Variants in SEPTIN10 observed in about 807,000 individuals in gnomAD.
SEPTIN10 encodes the protein septin-10.
In SEPTIN10, 66 loss-of-function variants were observed where a neutral mutation model predicts 54.8. The ratio of observed to expected loss-of-function variants is 1.21; its 90% confidence interval spans 0.99 to 1.48. The LOEUF (loss-of-function observed/expected upper bound fraction) is 1.48, where lower values mean the gene tolerates loss of function less well. SEPTIN10 is among the 40% of genes most tolerant of loss of function. SEPTIN10 has a pLI of 0.00. For synonymous variants in SEPTIN10, 161 were observed against 181.0 expected (o/e 0.89, Z 0.89); for missense variants, 620 against 545.6 (o/e 1.14, Z -1.36).
At chr2:109,554,512 T>C (rs1413584275) in intron 8 of SEPTIN10, among the ~76,000 whole-genome samples, 2 of 152,064 alleles carry the variant, frequency 1.3e-5, no homozygotes, top group Non-Finnish European at 1.5e-5. Flanking sequence ...CAGGGCACAC[T>C]CACACCACCC....
At chr2:109,592,058 C>A (rs944649611) in intron 2 of SEPTIN10, among the ~76,000 whole-genome samples, 5 of 152,116 alleles carry the variant, frequency 3.3e-5, no homozygotes, top group Admixed American at 6.5e-5. Context: ...CCCTTAGAAG[C>A]ATAAGGTGTA....
intron 4 of SEPTIN10, among the ~76,000 whole-genome samples, chr2:109,584,443 C>A (rs570476360): frequency 2.1e-4 from 29 of 134,956 alleles, no homozygotes; most frequent in African/African-American, 7.9e-4. Flanking sequence ...CCACTGCACT[C>A]CAGACTGGGT....
At chr2:109,612,300 A>G (rs1012356465) in intron 1 of SEPTIN10, among the ~76,000 whole-genome samples, 4 of 152,332 alleles carry the variant, frequency 2.6e-5, no homozygotes, top group Non-Finnish European at 5.9e-5. Flanking sequence ...TGGGGTTAAG[A>G]AGGAGGCAGG....
chr2:109,598,052 T>C (rs572900720), intron 1 of SEPTIN10, among the ~76,000 whole-genome samples: 2 of 152,242 alleles, frequency 1.3e-5, no homozygotes, highest in Non-Finnish European at 2.9e-5. Context: ...CTTAGCTTTA[T>C]GTTTTTTTGT....
intron 1 of SEPTIN10, among the ~76,000 whole-genome samples, chr2:109,603,212 T>A (rs1050053249): frequency 2.6e-5 from 4 of 152,048 alleles, no homozygotes; most frequent in Admixed American, 2.6e-4. Flanking sequence ...CAAATGTACA[T>A]AATGTTATTA....
chr2:109,545,082 G>A (rs1680836071), intron 10 of SEPTIN10: 1 of 985,422 alleles, frequency 1.0e-6, no homozygotes, highest in East Asian at 1.1e-4. Context: ...GCAATATTCT[G>A]AAAATGGGTC....
chr2:109,572,993 A>AT (rs1326912137), intron 5 of SEPTIN10, among the ~76,000 whole-genome samples: 1 of 152,238 alleles, frequency 6.6e-6, no homozygotes, highest in Non-Finnish European at 1.5e-5. Context: ...AATAAAGAAT[A>AT]TATTTAAATC....
At chr2:109,592,164 T>G (rs1387499602) in intron 2 of SEPTIN10, among the ~76,000 whole-genome samples, 1 of 151,928 alleles carries the variant, frequency 6.6e-6, no homozygotes, top group East Asian at 1.9e-4. Context: ...TTCTGCAGTG[T>G]GCTCAAAAAA....
At chr2:109,574,448 A>AT (rs1395296090) in intron 5 of SEPTIN10, 133 bp downstream of exon 5, 2 of 536,382 alleles carry the variant, frequency 3.7e-6, no homozygotes, top group African/African-American at 4.0e-5. Context: ...ATCTCTAAAA[A>AT]AAAAAAAAAA....
intron 10 of SEPTIN10, 68 bp from the exon 11 acceptor site, chr2:109,544,392 G>GC (rs1344538291): frequency 1.3e-6 from 2 of 1,536,706 alleles, no homozygotes; most frequent in African/African-American, 2.8e-5. Context: ...TAGCAAACAT[G>GC]CATCTAGTAT....
intron 5 of SEPTIN10, among the ~76,000 whole-genome samples, chr2:109,568,898 T>C (rs948738091): frequency 4.6e-5 from 7 of 152,180 alleles, no homozygotes; most frequent in Non-Finnish European, 1.0e-4. Context: ...AAGGAATAAC[T>C]TTCTCAGTAT....
Position 109,593,059 on chromosome 2 carries a change from C to T in SEPTIN10, c.91G>A (p.Glu31Lys), listed in dbSNP as rs373916982. 3 of 1,593,180 alleles carry T rather than the reference C, an allele frequency of 1.9e-6. No homozygotes were observed. Among genetic ancestry groups the T allele is most frequent in the Non-Finnish European group, 2.6e-6 (3 of 1,170,990 alleles). Residue 31 changes from glutamate to lysine, a missense_variant, in exon 2 of 11, where the codon GAA becomes AAA. By Grantham distance (56) the Glu-to-Lys change is moderately conservative. Coordinates refer to ENST00000397712, the MANE Select transcript of SEPTIN10 (RefSeq NM_144710.5). ...TTAAAAGACATACTCACTATCTGTTCATCATCTGATCCTTGTGAAGACATA... is the reference window on the plus strand; with the variant it reads ...TTAAAAGACATACTCACTATCTGTTTATCATCTGATCCTTGTGAAGACATA... ...TCMSSQGSDD[E>K]QIKRENIRSL...
At chr2:109,563,502 T>C (rs1686182598) in intron 8 of SEPTIN10, among the ~76,000 whole-genome samples, 1 of 152,234 alleles carries the variant, frequency 6.6e-6, no homozygotes, top group African/African-American at 2.4e-5. Flanking sequence ...CACGCTTTCC[T>C]GCATGCAAAC....
At chr2:109,572,609 CTTTTTTT>C (rs60520770) in intron 5 of SEPTIN10, among the ~76,000 whole-genome samples, 15 of 111,224 alleles carry the variant, frequency 1.3e-4, no homozygotes, top group East Asian at 5.2e-4. Flanking sequence ...TTTAAAACAA[CTTTTTTT>C]TTTTTTTTTT....
intron 5 of SEPTIN10, 94 bp from the exon 6 acceptor site, chr2:109,568,070 G>A (rs1297852776): frequency 1.0e-6 from 1 of 980,114 alleles, no homozygotes; most frequent in Non-Finnish European, 1.5e-6. Context: ...TTCTGACAAT[G>A]AATTTCCCTA....
At chr2:109,609,350 T>G (rs1170546936) in intron 1 of SEPTIN10, among the ~76,000 whole-genome samples, 1 of 151,986 alleles carries the variant, frequency 6.6e-6, no homozygotes, top group Non-Finnish European at 1.5e-5. Context: ...ATAATACAGG[T>G]TGCTCTTCCA....
At chr2:109,602,237 T>G (rs1696752888) in intron 1 of SEPTIN10, among the ~76,000 whole-genome samples, 1 of 152,068 alleles carries the variant, frequency 6.6e-6, no homozygotes, top group African/African-American at 2.4e-5. Context: ...TGAGAGAAAG[T>G]TTGTGATGTG....
intron 9 of SEPTIN10, among the ~76,000 whole-genome samples, chr2:109,549,396 CA>C (rs1682237800): frequency 6.6e-6 from 1 of 152,108 alleles, no homozygotes; most frequent in Non-Finnish European, 1.5e-5. Context: ...AGGAAAACTA[CA>C]AAGAGGGAAA....
At chr2:109,601,429 A>G (rs1696572653) in intron 1 of SEPTIN10, among the ~76,000 whole-genome samples, 1 of 152,224 alleles carries the variant, frequency 6.6e-6, no homozygotes, top group Admixed American at 6.5e-5. Context: ...GGGTATTAAC[A>G]ATTTTTAAAT....
Sources: allele counts gnomAD v4.1 joint callset (sites outside exome capture counted in the v4.1 genomes callset), GRCh38; gene constraint gnomAD v4.1.1; transcripts MANE v1.5; gene names NCBI Gene and HGNC (gene_info 2026-07-23, HGNC 2026-07-21).